The following DISC1 variants were observed in gnomAD, a reference collection of about 807,000 sequenced individuals.
DISC1 encodes DISC1 scaffold protein.
DISC1 carries 57 observed loss-of-function variants against 84.5 expected under a neutral mutation model. That is an observed-to-expected ratio of 0.67 (90% CI 0.55 to 0.84). The LOEUF is 0.84. Ranked by LOEUF, DISC1 falls within the 40% of genes least tolerant of loss-of-function variation. The pLI is 0.00. For missense variants in DISC1, 1,000 were observed against 1,057.8 expected (o/e 0.95, Z 0.76); for synonymous variants, 411 against 415.2 (o/e 0.99, Z 0.12).
chr1:231,723,164 C>T (rs1247078184), intron 3 of DISC1: 5 of 861,980 alleles, frequency 5.8e-6, no homozygotes, highest in East Asian at 1.1e-4. Context: ...TCCATATCTG[C>T]AGGTTTTACA....
At chr1:232,028,649 C>T (rs1669708382) in intron 12 of DISC1, among the ~76,000 whole-genome samples, 1 of 152,106 alleles carries the variant, frequency 6.6e-6, no homozygotes, top group Non-Finnish European at 1.5e-5. Flanking sequence ...AGGCTATATT[C>T]ATAATGTACA....
At chr1:232,011,960 A>AG (rs1156546541) in intron 11 of DISC1, among the ~76,000 whole-genome samples, 2 of 152,198 alleles carry the variant, frequency 1.3e-5, no homozygotes, top group African/African-American at 4.8e-5. Context: ...ACATCTGTTA[A>AG]GAAAAACACC....
rs1419018442 is a variant in DISC1 at position 231,886,801 on chromosome 1, TTCTTTC to T, written c.1981+68286_1981+68291del. Among the ~76,000 whole-genome samples the T allele has an allele frequency of 5.8e-4, 83 of 143,712 alleles. 3 individuals carry two copies. The highest frequency in any genetic ancestry group is 1.4e-4 in the Non-Finnish European group (9 of 66,382). The allele number at this position is 143,712 out of a possible 152,430, so 94.3% of individuals were successfully genotyped here. On this transcript the variant is annotated intron_variant, in intron 9 of 12. Transcript: ENST00000439617. Reference sequence around the variant, plus strand: ...TTTCTTTCTTTCTTTCTTTCTTTCTTTCTTTCTTTCTTTCTTTCTTTCTTTCTTTCT... The same window carrying T: ...TTTCTTTCTTTCTTTCTTTCTTTCTTTTTCTTTCTTTCTTTCTTTCTTTCT...
intron 8 of DISC1, among the ~76,000 whole-genome samples, chr1:231,806,793 C>T (rs1254490288): frequency 6.6e-6 from 1 of 152,280 alleles, no homozygotes; most frequent in Non-Finnish European, 1.5e-5. Flanking sequence ...CTCCCGCCCT[C>T]TGCCCAGGAC....
At chr1:231,666,393 T>C (rs539198713) in intron 1 of DISC1, among the ~76,000 whole-genome samples, 1 of 150,790 alleles carries the variant, frequency 6.6e-6, no homozygotes. Context: ...GAGAGACAGA[T>C]GGAATTCTGA....
intron 4 of DISC1, among the ~76,000 whole-genome samples, chr1:231,760,926 C>A (rs2075603085): frequency 6.6e-6 from 1 of 152,206 alleles, no homozygotes; most frequent in African/African-American, 2.4e-5. Context: ...CCACAGACAC[C>A]TAGACGATTT....
intron 6 of DISC1, among the ~76,000 whole-genome samples, chr1:231,776,598 G>A (rs1376363049): frequency 1.3e-5 from 2 of 152,204 alleles, no homozygotes; most frequent in African/African-American, 4.8e-5. Context: ...ACTGCCCAGG[G>A]CTCCCTGGCG....
chr1:231,685,326 T>A (rs1256296981), intron 1 of DISC1, among the ~76,000 whole-genome samples: 2 of 152,258 alleles, frequency 1.3e-5, no homozygotes, highest in African/African-American at 4.8e-5. Context: ...TAGTCAGTTT[T>A]CATCCTGCTG....
At chr1:231,652,748 A>G (rs1369577221) in intron 1 of DISC1, among the ~76,000 whole-genome samples, 1 of 152,196 alleles carries the variant, frequency 6.6e-6, no homozygotes, top group Non-Finnish European at 1.5e-5. Context: ...ATATGTTTTC[A>G]TGTCAACCAG....
At chr1:231,747,124 T>C (rs1307315829) in intron 3 of DISC1, among the ~76,000 whole-genome samples, 1 of 151,984 alleles carries the variant, frequency 6.6e-6, no homozygotes, top group African/African-American at 2.4e-5. Context: ...AGAGATGGTG[T>C]TTCACCATGT....
At chr1:231,975,556 A>G (rs1023005752) in intron 10 of DISC1, among the ~76,000 whole-genome samples, 13 of 152,236 alleles carry the variant, frequency 8.5e-5, no homozygotes, top group Non-Finnish European at 1.8e-4. Context: ...CAGCAAAGAT[A>G]TGGAATCAGT....
At chr1:231,901,771 A>G (rs949656060) in intron 9 of DISC1, among the ~76,000 whole-genome samples, 1 of 152,136 alleles carries the variant, frequency 6.6e-6, no homozygotes, top group Non-Finnish European at 1.5e-5. Flanking sequence ...TTGCTTTAAT[A>G]TTGTTCATAG....
intron 9 of DISC1, among the ~76,000 whole-genome samples, chr1:231,898,945 C>T (rs2087923879): frequency 6.8e-6 from 1 of 147,420 alleles, no homozygotes; most frequent in Non-Finnish European, 1.5e-5. Flanking sequence ...CAAAACAAAA[C>T]AAAAAATGAA....
chr1:231,723,680 G>C, intron 3 of DISC1: 1 of 985,466 alleles, frequency 1.0e-6, no homozygotes, highest in Non-Finnish European at 1.2e-6. Context: ...GCCACTGTTA[G>C]TGTTATTCTC....
At chr1:231,813,412 C>T (rs1041329153) in intron 8 of DISC1, 9 of 152,266 alleles carry the variant, frequency 5.9e-5, no homozygotes, top group African/African-American at 1.9e-4. Flanking sequence ...CCACCCTGCC[C>T]CAACGCAGTC....
At chr1:231,649,306 T>A (rs1030805012) in intron 1 of DISC1, among the ~76,000 whole-genome samples, 2 of 152,156 alleles carry the variant, frequency 1.3e-5, no homozygotes, top group Non-Finnish European at 2.9e-5. Flanking sequence ...GCCTTCATTT[T>A]GTTATTTACC....
At chr1:231,674,244 T>C (rs2062912938) in intron 1 of DISC1, among the ~76,000 whole-genome samples, 1 of 148,394 alleles carries the variant, frequency 6.7e-6, no homozygotes, top group African/African-American at 2.6e-5. Flanking sequence ...TCAAGCTAGT[T>C]TTTGATTTTT....
At chr1:231,959,404 A>C in intron 10 of DISC1, 1 of 985,866 alleles carries the variant, frequency 1.0e-6, no homozygotes, top group Non-Finnish European at 1.2e-6. Context: ...GCATGACAAG[A>C]TGTTTCTGGC....
chr1:231,779,549 G>GTTTT (rs762129889), intron 6 of DISC1, among the ~76,000 whole-genome samples: 18 of 53,582 alleles, frequency 3.4e-4, no homozygotes, highest in African/African-American at 8.2e-4. Context: ...ACCTATTCTT[G>GTTTT]TTTTTTTTTT....
Sources: gnomAD v4.1 joint callset for allele counts (sites outside exome capture counted in the v4.1 genomes callset) on GRCh38, gnomAD v4.1.1 for gene constraint, MANE v1.5 for transcripts, NCBI Gene and HGNC (gene_info 2026-07-23, HGNC 2026-07-21) for gene names.